Variants in RPTOR observed in about 807,000 individuals in gnomAD.
RPTOR encodes regulatory-associated protein of mTOR.
Under a neutral mutation model 169.9 loss-of-function variants are expected in RPTOR, and 21 were observed. The observed-to-expected ratio is 0.12, with a 90% CI of 0.09 to 0.18. RPTOR has a LOEUF of 0.18. Ranked by LOEUF, RPTOR falls within the 10% of genes least tolerant of loss-of-function variation. RPTOR has a pLI of 1.00. For missense variants in RPTOR, 1,133 were observed against 1,855.9 expected (o/e 0.61, Z 7.16); for synonymous variants, 732 against 753.2 (o/e 0.97, Z 0.46).
At chr17:80,706,303 GTTC>G (rs1187084381) in intron 3 of RPTOR, among the ~76,000 whole-genome samples, 3 of 152,060 alleles carry the variant, frequency 2.0e-5, no homozygotes, top group Non-Finnish European at 2.9e-5. Context: ...TACTCTGTCG[GTTC>G]TTCTTTGTTG....
At chr17:80,632,343 C>T (rs2065448877) in intron 2 of RPTOR, among the ~76,000 whole-genome samples, 1 of 152,208 alleles carries the variant, frequency 6.6e-6, no homozygotes, top group Non-Finnish European at 1.5e-5. Context: ...ACGGGACGCG[C>T]AGGCCCTTCG....
chr17:80,942,803 G>A (rs1338160453), intron 25 of RPTOR, among the ~76,000 whole-genome samples: 1 of 152,240 alleles, frequency 6.6e-6, no homozygotes, highest in Non-Finnish European at 1.5e-5. Flanking sequence ...CTTCTCCTGG[G>A]CAACATTCAC....
chr17:80,942,973 G>A (rs775027364), intron 25 of RPTOR, among the ~76,000 whole-genome samples: 6 of 152,238 alleles, frequency 3.9e-5, no homozygotes, highest in South Asian at 2.1e-4. Context: ...TGCTGCCGCC[G>A]CACCAAAGCC....
intron 2 of RPTOR, among the ~76,000 whole-genome samples, chr17:80,634,907 G>A (rs552621309): frequency 2.0e-5 from 3 of 151,776 alleles, no homozygotes; most frequent in South Asian, 2.1e-4. Context: ...TAGTGTGTGC[G>A]TGTGCATACT....
intron 14 of RPTOR, 122 bp downstream of exon 14, chr17:80,880,611 G>A: frequency 2.3e-6 from 2 of 854,862 alleles, no homozygotes; most frequent in Non-Finnish European, 3.8e-6. Flanking sequence ...GGTCACAGCA[G>A]GGGCCACGTC....
rs568109959 is a variant in RPTOR at position 80,834,634 on chromosome 17, G to A, written c.1137-3288G>A. On this transcript the variant is annotated intron_variant, in intron 9 of 33. Coordinates refer to ENST00000306801, the MANE Select transcript of RPTOR (RefSeq NM_020761.3). ...CTGCAGCAACATGGGTCACGTGTCC[G>A]AGAGAGATTGTCACCCGTGGCTCTG... is the stretch of plus-strand genomic sequence containing the variant. Among the ~76,000 whole-genome samples, 9 of 152,324 alleles carry A rather than the reference G, an allele frequency of 5.9e-5. No homozygotes were observed. The South Asian group carries it at 1.0e-3, about 18-fold the overall frequency.
intron 17 of RPTOR, among the ~76,000 whole-genome samples, chr17:80,885,941 C>T (rs2068240972): frequency 6.6e-6 from 1 of 152,250 alleles, no homozygotes. Context: ...CCCACCCACC[C>T]CAGCGCAAAA....
At chr17:80,568,311 G>C (rs773813253) in intron 1 of RPTOR, among the ~76,000 whole-genome samples, 1 of 152,130 alleles carries the variant, frequency 6.6e-6, no homozygotes, top group African/African-American at 2.4e-5. Context: ...TATAGTACTG[G>C]TATTTTGGTC....
At chr17:80,645,965 T>C (rs1488817815) in intron 3 of RPTOR, among the ~76,000 whole-genome samples, 1 of 152,212 alleles carries the variant, frequency 6.6e-6, no homozygotes, top group Non-Finnish European at 1.5e-5. Context: ...AAAATAATTC[T>C]CTGAGTAAGA....
chr17:80,717,637 AAAAC>A (rs1201667828), intron 4 of RPTOR, among the ~76,000 whole-genome samples: 128 of 152,360 alleles, frequency 8.4e-4, no homozygotes, highest in African/African-American at 2.9e-3. Flanking sequence ...TCCCTCCATC[AAAAC>A]GAAGCCTGCA....
chr17:80,893,191 T>A (rs1006854340), intron 19 of RPTOR, among the ~76,000 whole-genome samples: 5 of 152,214 alleles, frequency 3.3e-5, no homozygotes, highest in African/African-American at 1.2e-4. Context: ...GGTGGGGAGC[T>A]TGGCTCCCAG....
At chr17:80,837,697 G>A (rs112179957) in intron 9 of RPTOR, among the ~76,000 whole-genome samples, 8,712 of 152,234 alleles carry the variant, frequency 0.057, 365 homozygotes, top group Non-Finnish European at 0.09. Context: ...TGCTGGCAGC[G>A]CCAGCGTTCC....
In RPTOR at chr17:80,726,786, T is replaced by C. The variant is rs1347250658; in HGVS notation, c.508-3774T>C. 6.6e-6 allele frequency among the ~76,000 whole-genome samples: 1 copy of C among 152,142 alleles called. No individual in the cohort carries two copies. Among genetic ancestry groups the C allele is most frequent in the Non-Finnish European group, 1.5e-5 (1 of 68,020 alleles). On this transcript the variant is annotated intron_variant, in intron 4 of 33. Transcript: ENST00000306801. This position sits in a 1 kb window ranked among gnomAD's most constrained non-coding sequence, Gnocchi z 4.5. ...TAGGAGGTAAATAAATAGCACGCAG[T>C]GTTCTGGGGGTAAAAAGATACACCC...
chr17:80,781,799 C>T (rs1309703063), intron 6 of RPTOR, among the ~76,000 whole-genome samples: 1 of 152,246 alleles, frequency 6.6e-6, no homozygotes, highest in Non-Finnish European at 1.5e-5. Flanking sequence ...AAAGCCCCTG[C>T]ACTGCGCTGG....
chr17:80,664,918 T>C (rs1348114876), intron 3 of RPTOR, among the ~76,000 whole-genome samples: 1 of 152,230 alleles, frequency 6.6e-6, no homozygotes, highest in African/African-American at 2.4e-5. Context: ...TAATCTGCAT[T>C]ACTCCTCAAA....
At chr17:80,877,509 C>A (rs970791432) in intron 13 of RPTOR, among the ~76,000 whole-genome samples, 1 of 152,194 alleles carries the variant, frequency 6.6e-6, no homozygotes, top group African/African-American at 2.4e-5. Context: ...TTGCATGCCT[C>A]AAATTCAGAA....
At position 80,651,370 on chromosome 17, in the gene RPTOR, T is replaced by G. The variant is rs901869765; in HGVS notation, c.348+7560T>G. 2.6e-5 allele frequency among the ~76,000 whole-genome samples: 4 copies of G among 152,000 alleles called. No homozygotes were observed. Among genetic ancestry groups the G allele is most frequent in the African/African-American group, 4.8e-5 (2 of 41,400 alleles). ...CAAGGGGGAAACGATCAATAACAGA[T>G]TGGAGGGGGACGGCCACTTCAAAGT... On this transcript the variant is annotated intron_variant, in intron 3 of 33. Transcript: ENST00000306801. This position sits in a 1 kb window ranked among gnomAD's most constrained non-coding sequence, Gnocchi z 4.1.
At chr17:80,799,281 C>T (rs2067131919) in intron 7 of RPTOR, among the ~76,000 whole-genome samples, 1 of 152,148 alleles carries the variant, frequency 6.6e-6, no homozygotes, top group Admixed American at 6.5e-5. Flanking sequence ...GACTGTAGAC[C>T]GGGGGCGTGG....
At chr17:80,635,082 T>C (rs994646731) in intron 2 of RPTOR, among the ~76,000 whole-genome samples, 6 of 152,222 alleles carry the variant, frequency 3.9e-5, no homozygotes, top group Admixed American at 3.9e-4. Flanking sequence ...AACCTTGGTA[T>C]CCTTTGTCCT....
Sources: allele counts gnomAD v4.1 joint callset (sites outside exome capture counted in the v4.1 genomes callset), GRCh38; gene constraint gnomAD v4.1.1; non-coding constraint Gnocchi (gnomAD v3.1); transcripts MANE v1.5; gene names NCBI Gene and HGNC (gene_info 2026-07-23, HGNC 2026-07-21).